CCDC102B: variants seen among roughly 807,000 people sequenced by gnomAD.
The protein encoded by CCDC102B is coiled-coil domain containing 102B, also known as coiled-coil domain-containing protein 102B.
Under a neutral mutation model 57.4 loss-of-function variants are expected in CCDC102B, and 75 were observed. The observed-to-expected ratio is 1.31, with a 90% confidence interval of 1.08 to 1.58. The LOEUF (loss-of-function observed/expected upper bound fraction) is 1.58. Among genes scored for constraint, CCDC102B ranks in the 40% most tolerant of loss-of-function variants. CCDC102B has a pLI of 0.00. For synonymous variants in CCDC102B, 206 were observed against 201.9 expected (o/e 1.02, Z -0.17); for missense variants, 636 against 582.6 (o/e 1.09, Z -0.94).
intron 2 of CCDC102B, among the ~76,000 whole-genome samples, chr18:68,744,673 T>C (rs918907314): frequency 2.0e-5 from 3 of 152,168 alleles, no homozygotes; most frequent in African/African-American, 7.2e-5. Flanking sequence ...GCCATGTGCA[T>C]GAAGACGCCT....
At chr18:68,899,695 T>TA (rs1264651515) in intron 6 of CCDC102B, 1 of 152,132 alleles carries the variant, frequency 6.6e-6, no homozygotes, top group Non-Finnish European at 1.5e-5. Flanking sequence ...ACATAAATTG[T>TA]AAAAAATATG....
intron 7 of CCDC102B, among the ~76,000 whole-genome samples, chr18:69,024,081 C>CA (rs200662381): frequency 1.1e-4 from 17 of 148,574 alleles, no homozygotes; most frequent in South Asian, 2.1e-4. Context: ...TTTTCCTGTA[C>CA]AAAAAAAAAT....
chr18:69,040,536 G>T (rs2052409769), intron 7 of CCDC102B, among the ~76,000 whole-genome samples: 1 of 151,664 alleles, frequency 6.6e-6, no homozygotes, highest in South Asian at 2.1e-4. Context: ...CAAGCAATAG[G>T]ATTATTGAGA....
intron 4 of CCDC102B, among the ~76,000 whole-genome samples, chr18:68,855,691 G>A (rs1353540511): frequency 6.6e-6 from 1 of 152,054 alleles, no homozygotes; most frequent in Non-Finnish European, 1.5e-5. Context: ...TGCCTGTTCT[G>A]GGCATTTCAT....
At chr18:69,031,876 G>A (rs1438385959) in intron 7 of CCDC102B, among the ~76,000 whole-genome samples, 1 of 151,956 alleles carries the variant, frequency 6.6e-6, no homozygotes, top group Non-Finnish European at 1.5e-5. Flanking sequence ...AATCAAGTAG[G>A]TTCATTCTGA....
chr18:68,911,597 A>C (rs1259704142), intron 6 of CCDC102B, among the ~76,000 whole-genome samples: 31 of 147,626 alleles, frequency 2.1e-4, no homozygotes, highest in South Asian at 4.3e-4. Context: ...CTAAAAATAC[A>C]AAAAATTAGC....
intron 6 of CCDC102B, among the ~76,000 whole-genome samples, chr18:68,954,013 A>G (rs376512559): frequency 1.3e-3 from 203 of 152,266 alleles, no homozygotes; most frequent in African/African-American, 4.7e-3. Context: ...ATGTTTATGT[A>G]TCATTTTATA....
At chr18:69,018,488 G>T (rs940204179) in intron 7 of CCDC102B, among the ~76,000 whole-genome samples, 5 of 152,112 alleles carry the variant, frequency 3.3e-5, no homozygotes, top group African/African-American at 1.2e-4. Flanking sequence ...GTGAGGTCAT[G>T]TATCATTGTG....
intron 6 of CCDC102B, among the ~76,000 whole-genome samples, chr18:68,971,118 T>A (rs1288366803): frequency 6.6e-6 from 1 of 152,034 alleles, no homozygotes; most frequent in East Asian, 1.9e-4. Flanking sequence ...TTAAAATACC[T>A]TTTATCAAAA....
chr18:68,870,906 T>C (rs9959200), intron 4 of CCDC102B, among the ~76,000 whole-genome samples: 54,229 of 152,054 alleles, frequency 0.36, 10,337 homozygotes, highest in East Asian at 0.62. Context: ...TTTGTAATTA[T>C]TTTTCTTTTT....
At chr18:68,755,657 A>G (rs2034022709) in intron 2 of CCDC102B, among the ~76,000 whole-genome samples, 1 of 152,122 alleles carries the variant, frequency 6.6e-6, no homozygotes, top group Non-Finnish European at 1.5e-5. Context: ...TTGAAATGGC[A>G]GCTGTCATGT....
At chr18:68,957,636 T>C (rs2049937804) in intron 6 of CCDC102B, among the ~76,000 whole-genome samples, 1 of 151,926 alleles carries the variant, frequency 6.6e-6, no homozygotes, top group Admixed American at 6.6e-5. Flanking sequence ...GAATTATGTT[T>C]TATATTTGTG....
At position 68,967,146 on chromosome 18, in the gene CCDC102B, C is replaced by T. The variant is rs138259247; in HGVS notation, c.1264-43788C>T. Among the ~76,000 whole-genome samples, 843 of 144,984 alleles carry T rather than the reference C, an allele frequency of 5.8e-3. 15 individuals are homozygous for T. The highest frequency in any genetic ancestry group is 0.02 in the African/African-American group (796 of 38,876). On this transcript the variant is annotated intron_variant, in intron 6 of 7. Transcript: ENST00000360242. ...CTTCTGAACAATAGTGAAAGCTAGT[C>T]GTGCCTCTTTTCGGTGTGTAGAACA...
chr18:68,998,999 T>TAGAGAGAG (rs60271182), intron 6 of CCDC102B, among the ~76,000 whole-genome samples: 1 of 43,342 alleles, frequency 2.3e-5, no homozygotes, highest in East Asian at 5.8e-4. Flanking sequence ...TATATATATA[T>TAGAGAGAG]AGAGAGAGAG....
chr18:68,931,322 C>T (rs1037302005), intron 6 of CCDC102B, among the ~76,000 whole-genome samples: 2 of 151,910 alleles, frequency 1.3e-5, no homozygotes, highest in Non-Finnish European at 2.9e-5. Flanking sequence ...ATAAGCTAAA[C>T]TGCTATGACA....
chr18:69,049,089 G>A (rs1320751812), intron 7 of CCDC102B, among the ~76,000 whole-genome samples: 3 of 151,018 alleles, frequency 2.0e-5, no homozygotes, highest in Non-Finnish European at 4.4e-5. Flanking sequence ...TGTGCAGAAC[G>A]TGTAGGTTTG....
intron 2 of CCDC102B, 78 bp downstream of exon 2, chr18:68,837,447 T>G (rs1347841728): frequency 2.2e-6 from 3 of 1,383,696 alleles, no homozygotes; most frequent in Non-Finnish European, 3.0e-6. Context: ...AAGTGACAAA[T>G]GCAATGGTGA....
intron 5 of CCDC102B, among the ~76,000 whole-genome samples, chr18:68,886,335 T>C (rs1485040806): frequency 6.6e-6 from 1 of 151,926 alleles, no homozygotes; most frequent in African/African-American, 2.4e-5. Flanking sequence ...ATAAGGGTGA[T>C]GATTTATAAA....
At chr18:68,962,833 T>C (rs2050077793) in intron 6 of CCDC102B, among the ~76,000 whole-genome samples, 1 of 152,022 alleles carries the variant, frequency 6.6e-6, no homozygotes, top group Non-Finnish European at 1.5e-5. Context: ...TTACTTCCAA[T>C]GAGTCATATA....
Sources: allele counts gnomAD v4.1 joint callset (sites outside exome capture counted in the v4.1 genomes callset), GRCh38; gene constraint gnomAD v4.1.1; transcripts MANE v1.5; gene names NCBI Gene and HGNC (gene_info 2026-07-23, HGNC 2026-07-21).